SAMMSON: variants seen among roughly 807,000 people sequenced by gnomAD.
The protein encoded by SAMMSON is long intergenic non-protein coding RNA 1212.
chr3:70,141,318 G>C (rs1446547652), intron 4 of SAMMSON, among the ~76,000 whole-genome samples: 1 of 152,314 alleles, frequency 6.6e-6, no homozygotes. Context: ...GTCCCAGTTT[G>C]AGCCTGAGGG....
chr3:70,029,942 C>T (rs564367451), intron 3 of SAMMSON, among the ~76,000 whole-genome samples: 42 of 152,050 alleles, frequency 2.8e-4, no homozygotes, highest in Non-Finnish European at 4.9e-4. Context: ...CTTCTAGAAT[C>T]GTTTTCTTGA....
chr3:70,432,120 C>G (rs545306923), intron 2 of SAMMSON, among the ~76,000 whole-genome samples: 7 of 152,080 alleles, frequency 4.6e-5, no homozygotes, highest in East Asian at 1.9e-4. Flanking sequence ...TTATAAGAAA[C>G]AGCCAAACCG....
intron 4 of SAMMSON, among the ~76,000 whole-genome samples, chr3:70,102,993 C>T (rs1489188294): frequency 6.6e-6 from 1 of 152,072 alleles, no homozygotes; most frequent in Non-Finnish European, 1.5e-5. Flanking sequence ...CATTTTTCTA[C>T]TTCAGGGATT....
At chr3:70,031,216 G>T (rs751679240) in intron 3 of SAMMSON, among the ~76,000 whole-genome samples, 11 of 152,134 alleles carry the variant, frequency 7.2e-5, no homozygotes, top group Admixed American at 1.3e-4. Flanking sequence ...CCATAAAAAG[G>T]AATGAAATTC....
intron 3 of SAMMSON, among the ~76,000 whole-genome samples, chr3:70,028,799 T>C (rs1173470004): frequency 2.0e-5 from 3 of 152,226 alleles, no homozygotes. Flanking sequence ...TTTCTAGTGG[T>C]AAAAATGTCA....
chr3:70,014,448 T>C (rs2066972677), intron 3 of SAMMSON: 1 of 152,194 alleles, frequency 6.6e-6, no homozygotes, highest in Admixed American at 6.5e-5. Flanking sequence ...AGTCCCTGAT[T>C]CCTCAAGACA....
Position 70,022,445 on chromosome 3 carries a change from A to AAAAAAG in SAMMSON, n.417+8777_417+8782dup, listed in dbSNP as rs1261410979. ...TAATAACAAAAAAAAAAAAAAAAAAAAAAAAGAAATTGTATTGTGATACTG... is the reference window on the plus strand; with the variant it reads ...TAATAACAAAAAAAAAAAAAAAAAAAAAAAAGAAAAAGAAATTGTATTGTGATACTG... On this transcript the variant is annotated intron_variant and non_coding_transcript_variant, in intron 3 of 9. Transcript: ENST00000642114. Among the ~76,000 whole-genome samples the AAAAAAG allele has an allele frequency of 5.3e-5, 8 of 150,830 alleles. 1 individual carries two copies. Among genetic ancestry groups the AAAAAAG allele is most frequent in the Admixed American group, 6.6e-5 (1 of 15,130 alleles).
At chr3:70,371,244 A>G (rs1575635549) in intron 9 of SAMMSON, among the ~76,000 whole-genome samples, 2 of 152,180 alleles carry the variant, frequency 1.3e-5, no homozygotes, top group East Asian at 3.9e-4. Context: ...AACTCAGGTA[A>G]TGCAATGCTT....
At chr3:70,002,955 A>T (rs986573383) in intron 1 of SAMMSON, among the ~76,000 whole-genome samples, 3 of 152,170 alleles carry the variant, frequency 2.0e-5, no homozygotes, top group African/African-American at 7.2e-5. Context: ...AGATGTTAAA[A>T]TATCCTACTA....
downstream of SAMMSON, among the ~76,000 whole-genome samples, chr3:70,390,642 G>A (rs1400075035): frequency 6.6e-6 from 1 of 151,996 alleles, no homozygotes; most frequent in East Asian, 1.9e-4. Context: ...GCAGCACTAT[G>A]CCATGAGGGA....
At chr3:70,217,988 G>A (rs1701430924) in intron 4 of SAMMSON, among the ~76,000 whole-genome samples, 1 of 152,170 alleles carries the variant, frequency 6.6e-6, no homozygotes, top group Non-Finnish European at 1.5e-5. Context: ...TTTTTGGAAG[G>A]ACAAGAAATC....
intron 6 of SAMMSON, among the ~76,000 whole-genome samples, chr3:70,262,065 A>G (rs1162704610): frequency 6.6e-6 from 1 of 152,142 alleles, no homozygotes; most frequent in Non-Finnish European, 1.5e-5. Flanking sequence ...TTGCTGGTCA[A>G]TCTCACGATA....
rs1025341675 is a variant in SAMMSON at position 70,215,016 on chromosome 3, T to C, written n.508-34091T>C. Reference sequence around the variant, plus strand: ...TTGGTATTACATATACAGTCAATTTTTTTACTATCAGTGTTTAAATATAAA... The same window carrying C: ...TTGGTATTACATATACAGTCAATTTCTTTACTATCAGTGTTTAAATATAAA... On this transcript the variant is annotated intron_variant and non_coding_transcript_variant, in intron 4 of 9. Coordinates refer to ENST00000642114, the Ensembl canonical transcript of SAMMSON. 2.6e-5 allele frequency among the ~76,000 whole-genome samples: 4 copies of C among 152,126 alleles called. No homozygotes were observed. In the East Asian group the frequency reaches 7.7e-4, roughly 29 times the overall value.
chr3:70,171,363 C>G (rs1020655737), intron 4 of SAMMSON, among the ~76,000 whole-genome samples: 2 of 151,732 alleles, frequency 1.3e-5, no homozygotes, highest in African/African-American at 4.8e-5. Context: ...AGAAGGTTAG[C>G]TGAAGCTTAA....
At chr3:70,212,338 A>G (rs1219781531) in intron 4 of SAMMSON, among the ~76,000 whole-genome samples, 2 of 152,108 alleles carry the variant, frequency 1.3e-5, no homozygotes, top group Non-Finnish European at 2.9e-5. Context: ...GCCTCTTTCT[A>G]CTAAGCCCCT....
chr3:70,184,610 T>C (rs976724903), intron 4 of SAMMSON, among the ~76,000 whole-genome samples: 25 of 152,324 alleles, frequency 1.6e-4, no homozygotes, highest in African/African-American at 5.8e-4. Flanking sequence ...TCCTAAAGAT[T>C]GATAACTGAT....
At chr3:70,044,958 A>AAAG (rs2067118645) in intron 3 of SAMMSON, among the ~76,000 whole-genome samples, 2 of 139,050 alleles carry the variant, frequency 1.4e-5, no homozygotes, top group African/African-American at 5.4e-5. Context: ...TACTTTAATT[A>AAAG]TATTAGAGTA....
chr3:70,286,179 T>C (rs1355781938), intron 6 of SAMMSON, among the ~76,000 whole-genome samples: 1 of 152,232 alleles, frequency 6.6e-6, no homozygotes, highest in Non-Finnish European at 1.5e-5. Flanking sequence ...TTCTAGGCTT[T>C]TTATGGTTTT....
chr3:70,276,875 G>T (rs1464548632), intron 6 of SAMMSON, among the ~76,000 whole-genome samples: 4 of 152,104 alleles, frequency 2.6e-5, no homozygotes, highest in African/African-American at 9.7e-5. Context: ...TTGTAGTTTT[G>T]TCAAATTACA....
Sources: gnomAD v4.1 joint callset for allele counts (sites outside exome capture counted in the v4.1 genomes callset) on GRCh38, gnomAD v4.1.1 for gene constraint, MANE v1.5 for transcripts, NCBI Gene and HGNC (gene_info 2026-07-23, HGNC 2026-07-21) for gene names.